IQCJ: variants seen among roughly 807,000 people sequenced by gnomAD.
IQCJ encodes IQ domain-containing protein J.
IQCJ carries 9 observed loss-of-function variants against 11.0 expected under a neutral mutation model. The observed-to-expected ratio is 0.82, with a 90% CI of 0.49 to 1.43. The LOEUF (loss-of-function observed/expected upper bound fraction) is 1.43. Ranked by LOEUF, IQCJ falls within the 40% of genes most tolerant of loss-of-function variation. IQCJ has a pLI of 0.00. For synonymous variants in IQCJ, 55 were observed against 51.3 expected (o/e 1.07, Z -0.31); for missense variants, 146 against 133.2 (o/e 1.10, Z -0.47).
At chr3:159,090,548 A>G (rs567790000) in intron 1 of IQCJ, among the ~76,000 whole-genome samples, 72 of 151,898 alleles carry the variant, frequency 4.7e-4, no homozygotes, top group Middle Eastern at 3.4e-3. Flanking sequence ...TCAGTGGACC[A>G]TGGGAGGGAA....
chr3:159,120,338 C>A (rs1719293505), intron 1 of IQCJ, among the ~76,000 whole-genome samples: 1 of 152,188 alleles, frequency 6.6e-6, no homozygotes, highest in Non-Finnish European at 1.5e-5. Context: ...CTTCATAGTT[C>A]AGGGACCTAG....
At chr3:159,257,689 A>G (rs1234499360) in intron 3 of IQCJ, among the ~76,000 whole-genome samples, 1 of 152,242 alleles carries the variant, frequency 6.6e-6, no homozygotes, top group African/African-American at 2.4e-5. Context: ...GGGATAGATA[A>G]CAAATGATGC....
intron 1 of IQCJ, among the ~76,000 whole-genome samples, chr3:159,088,306 T>C (rs1284657797): frequency 2.0e-5 from 3 of 152,132 alleles, no homozygotes; most frequent in Admixed American, 6.5e-5. Context: ...ATTTCTGTTC[T>C]TTTACATTTG....
At chr3:159,112,545 G>C (rs985888131) in intron 1 of IQCJ, among the ~76,000 whole-genome samples, 3 of 151,996 alleles carry the variant, frequency 2.0e-5, no homozygotes, top group African/African-American at 7.3e-5. Context: ...CTCTGACAAA[G>C]GCTGCTAGAC....
intron 1 of IQCJ, among the ~76,000 whole-genome samples, chr3:159,234,708 A>G (rs1726474189): frequency 6.6e-6 from 1 of 152,314 alleles, no homozygotes; most frequent in South Asian, 2.1e-4. Flanking sequence ...AAATAGTCCC[A>G]GAGAGAAGAA....
intron 1 of IQCJ, among the ~76,000 whole-genome samples, chr3:159,230,854 C>CAG (rs1726207670): frequency 6.6e-6 from 1 of 152,132 alleles, no homozygotes; most frequent in Non-Finnish European, 1.5e-5. Context: ...ATCTCAAAGG[C>CAG]AGAAAATAGT....
At chr3:159,165,701 C>T (rs1722124523) in intron 1 of IQCJ, among the ~76,000 whole-genome samples, 1 of 151,512 alleles carries the variant, frequency 6.6e-6, no homozygotes, top group Non-Finnish European at 1.5e-5. Flanking sequence ...GCAACCTCTG[C>T]CTCCCGGGTT....
At chr3:159,190,933 C>A (rs187190157) in intron 1 of IQCJ, among the ~76,000 whole-genome samples, 196 of 152,290 alleles carry the variant, frequency 1.3e-3, no homozygotes, top group Admixed American at 3.1e-3. Flanking sequence ...ACCAAATAAA[C>A]CTCCACATTG....
chr3:159,093,510 G>T (rs900162394), intron 1 of IQCJ, among the ~76,000 whole-genome samples: 1 of 151,768 alleles, frequency 6.6e-6, no homozygotes, highest in Non-Finnish European at 1.5e-5. Flanking sequence ...GCTGTATTGT[G>T]CCTTGCCCTC....
At chr3:159,108,369 C>T (rs909487115) in intron 1 of IQCJ, among the ~76,000 whole-genome samples, 6 of 152,106 alleles carry the variant, frequency 3.9e-5, no homozygotes, top group Admixed American at 1.3e-4. Context: ...ATAGCATCAA[C>T]ACTAAAAGAG....
intron 1 of IQCJ, among the ~76,000 whole-genome samples, chr3:159,115,783 G>A (rs964802149): frequency 6.6e-5 from 10 of 151,956 alleles, no homozygotes; most frequent in South Asian, 2.1e-4. Flanking sequence ...AAAAATAGCC[G>A]GCATTCTCAG....
intron 1 of IQCJ, among the ~76,000 whole-genome samples, chr3:159,188,351 A>G (rs1184546117): frequency 6.6e-6 from 1 of 152,152 alleles, no homozygotes; most frequent in East Asian, 1.9e-4. Context: ...TGGAGGTTGC[A>G]GTGAGCCGAG....
intron 1 of IQCJ, among the ~76,000 whole-genome samples, chr3:159,112,020 T>C (rs1718664300): frequency 6.6e-6 from 1 of 152,164 alleles, no homozygotes; most frequent in Non-Finnish European, 1.5e-5. Context: ...TGCAATGGGT[T>C]CCATTTATGA....
At chr3:159,232,325 T>G (rs1026387092) in intron 1 of IQCJ, among the ~76,000 whole-genome samples, 6 of 152,188 alleles carry the variant, frequency 3.9e-5, no homozygotes, top group African/African-American at 1.4e-4. Flanking sequence ...TTCTGGTATG[T>G]TGTGTCTTTG....
intron 1 of IQCJ, among the ~76,000 whole-genome samples, chr3:159,107,811 G>A (rs1050961214): frequency 2.0e-5 from 3 of 151,884 alleles, no homozygotes; most frequent in South Asian, 2.1e-4. Context: ...AGCACCCAAC[G>A]CCTGAGCTTT....
chr3:159,204,547 G>T (rs1724537082), intron 1 of IQCJ, among the ~76,000 whole-genome samples: 1 of 152,216 alleles, frequency 6.6e-6, no homozygotes, highest in Non-Finnish European at 1.5e-5. Context: ...AGTGGAAGCT[G>T]TTAGTTTATC....
At position 159,092,852 on chromosome 3, in the gene IQCJ, C is replaced by A. The variant is rs1342352283; in HGVS notation, c.9+23411C>A. On this transcript the variant is annotated intron_variant, in intron 1 of 3. Coordinates refer to ENST00000397832, the MANE Select transcript of IQCJ (RefSeq NM_001042706.3). ...TGTCATGTAAGAGAATACTCTTATTCTTAGGAGACATGTGCTGAGGTATTT... is the reference window on the plus strand; with the variant it reads ...TGTCATGTAAGAGAATACTCTTATTATTAGGAGACATGTGCTGAGGTATTT... 2.0e-5 allele frequency among the ~76,000 whole-genome samples: 3 copies of A among 150,514 alleles called. 1 individual carries two copies. The highest frequency in any genetic ancestry group is 7.4e-5 in the African/African-American group (3 of 40,432).
chr3:159,195,976 A>G (rs7628986), intron 1 of IQCJ, among the ~76,000 whole-genome samples: 15,271 of 152,238 alleles, frequency 0.1, 2,586 homozygotes, highest in African/African-American at 0.35. Flanking sequence ...TGTTTTCTGT[A>G]TGCCAAACAC....
In IQCJ at chr3:159,262,757, G is replaced by C; in HGVS notation, c.*26G>C. The C allele has an allele frequency of 6.2e-7, 1 of 1,602,884 alleles. No homozygotes were observed. Among genetic ancestry groups the C allele is most frequent in the African/African-American group, 1.3e-5 (1 of 74,772 alleles). ...AAGCCTAGACTTTGGTTCTAAGAGA[G>C]AAATCTTGGGATGTGAGCAGGTGGT... is the stretch of plus-strand genomic sequence containing the variant. On this transcript the variant is annotated 3_prime_UTR_variant, in exon 4 of 4. Coordinates refer to ENST00000397832, the MANE Select transcript of IQCJ (RefSeq NM_001042706.3).
Sources: gnomAD v4.1 joint callset for allele counts (sites outside exome capture counted in the v4.1 genomes callset) on GRCh38, gnomAD v4.1.1 for gene constraint, MANE v1.5 for transcripts, NCBI Gene and HGNC (gene_info 2026-07-23, HGNC 2026-07-21) for gene names.